LRRC1: variants seen among roughly 807,000 people sequenced by gnomAD.
LRRC1 encodes leucine-rich repeat-containing protein 1.
A neutral mutation model predicts 69.9 loss-of-function variants in LRRC1; 28 were observed. The ratio of observed to expected loss-of-function variants is 0.40; its 90% CI spans 0.30 to 0.55. LRRC1 has a LOEUF of 0.55. LRRC1 is among the 20% of genes least tolerant of loss of function. The pLI, the probability that LRRC1 is intolerant of heterozygous loss-of-function variation, is 0.47. For synonymous variants in LRRC1, 236 were observed against 240.2 expected, an observed-to-expected ratio of 0.98 and a Z score of 0.16; for missense variants, 498 against 609.0, an observed-to-expected ratio of 0.82 and a Z score of 1.92.
intron 1 of LRRC1, among the ~76,000 whole-genome samples, chr6:53,823,566 CGGG>C (rs1765173367): frequency 6.6e-6 from 1 of 152,058 alleles, no homozygotes; most frequent in African/African-American, 2.4e-5. Context: ...ACTCGTGTCA[CGGG>C]GGTTTGTTGT....
At chr6:53,795,796 C>A (rs1050302846) in intron 1 of LRRC1, among the ~76,000 whole-genome samples, 1 of 152,224 alleles carries the variant, frequency 6.6e-6, no homozygotes, top group East Asian at 1.9e-4. Flanking sequence ...TCCTCCCCCC[C>A]TCCACTCCCC....
intron 4 of LRRC1, among the ~76,000 whole-genome samples, chr6:53,892,011 T>C (rs13197989): frequency 0.063 from 8,483 of 134,954 alleles, 401 homozygotes; most frequent in East Asian, 0.23. Flanking sequence ...TATATATATA[T>C]ACACACACAC....
chr6:53,861,044 G>A (rs1766494142), intron 2 of LRRC1, among the ~76,000 whole-genome samples: 1 of 152,120 alleles, frequency 6.6e-6, no homozygotes, highest in Admixed American at 6.6e-5. Context: ...TGACGGGTGA[G>A]AGAAGGGTTG....
intron 1 of LRRC1, among the ~76,000 whole-genome samples, chr6:53,838,925 C>A (rs1447978069): frequency 6.6e-6 from 1 of 152,162 alleles, no homozygotes; most frequent in Non-Finnish European, 1.5e-5. Context: ...TGTCACCCAA[C>A]ATAACTGCTT....
At chr6:53,812,728 G>T (rs914885944) in intron 1 of LRRC1, among the ~76,000 whole-genome samples, 2 of 151,808 alleles carry the variant, frequency 1.3e-5, no homozygotes, top group Non-Finnish European at 2.9e-5. Context: ...GAAGAAAGAG[G>T]GGAAGGATGC....
intron 2 of LRRC1, among the ~76,000 whole-genome samples, chr6:53,859,050 C>G (rs988832079): frequency 8.5e-5 from 13 of 152,086 alleles, no homozygotes; most frequent in African/African-American, 3.1e-4. Context: ...GGGATATTAT[C>G]ACAAGTATAG....
intron 2 of LRRC1, among the ~76,000 whole-genome samples, chr6:53,855,556 G>A (rs1046507288): frequency 1.3e-5 from 2 of 152,174 alleles, no homozygotes; most frequent in African/African-American, 4.8e-5. Context: ...GGGGACCTGA[G>A]GGAGTCTTTG....
intron 4 of LRRC1, among the ~76,000 whole-genome samples, chr6:53,893,249 A>G (rs753453716): frequency 6.6e-6 from 1 of 152,148 alleles, no homozygotes; most frequent in Non-Finnish European, 1.5e-5. Context: ...AGATATGATT[A>G]TATTTATTTT....
At chr6:53,795,533 T>C (rs1259999908) in intron 1 of LRRC1, 118 bp downstream of exon 1, 6 of 957,212 alleles carry the variant, frequency 6.3e-6, no homozygotes, top group Admixed American at 2.9e-5. Flanking sequence ...TTCCCTCTTT[T>C]ATGCATTCAC....
intron 2 of LRRC1, among the ~76,000 whole-genome samples, chr6:53,854,882 A>C (rs1766260766): frequency 6.6e-6 from 1 of 152,252 alleles, no homozygotes; most frequent in African/African-American, 2.4e-5. Context: ...CTTAAGCACA[A>C]GTTTTTTAAA....
intron 4 of LRRC1, among the ~76,000 whole-genome samples, chr6:53,885,382 C>T (rs1241708093): frequency 6.6e-6 from 1 of 152,174 alleles, no homozygotes; most frequent in Non-Finnish European, 1.5e-5. Flanking sequence ...ATTTAGTTAA[C>T]CAATATTTAG....
intron 1 of LRRC1, among the ~76,000 whole-genome samples, chr6:53,804,019 T>C (rs1032522120): frequency 2.0e-5 from 3 of 152,330 alleles, no homozygotes; most frequent in African/African-American, 7.2e-5. Flanking sequence ...GGATGTGATG[T>C]GGGCTCTGAC....
At chr6:53,906,983 G>A (rs545545413) in intron 10 of LRRC1, among the ~76,000 whole-genome samples, 2 of 152,326 alleles carry the variant, frequency 1.3e-5, no homozygotes, top group Admixed American at 6.5e-5. Flanking sequence ...TAGCAGAAAT[G>A]GTTGAGTGCT....
At chr6:53,872,270 T>A (rs953453597) in intron 2 of LRRC1, among the ~76,000 whole-genome samples, 6 of 152,106 alleles carry the variant, frequency 3.9e-5, no homozygotes, top group African/African-American at 1.4e-4. Context: ...TAAAAAAAAT[T>A]TTTATTTCCG....
At chr6:53,867,939 C>T (rs147681198) in intron 2 of LRRC1, among the ~76,000 whole-genome samples, 5 of 147,452 alleles carry the variant, frequency 3.4e-5, no homozygotes, top group Non-Finnish European at 7.4e-5. Context: ...GGCAACAAAA[C>T]GAGACCCTGT....
intron 2 of LRRC1, among the ~76,000 whole-genome samples, chr6:53,858,281 A>G (rs1380922628): frequency 6.6e-6 from 1 of 151,206 alleles, no homozygotes; most frequent in African/African-American, 2.4e-5. Context: ...TTTTTTAATT[A>G]TAAAAGCAAT....
chr6:53,830,153 C>T (rs186893323), intron 1 of LRRC1, among the ~76,000 whole-genome samples: 51 of 152,314 alleles, frequency 3.3e-4, no homozygotes, highest in African/African-American at 1.1e-3. Flanking sequence ...TCTGCACATT[C>T]TTATATTAGA....
intron 2 of LRRC1, among the ~76,000 whole-genome samples, chr6:53,860,817 T>C (rs944544964): frequency 2.6e-5 from 4 of 152,118 alleles, no homozygotes; most frequent in Admixed American, 6.6e-5. Flanking sequence ...ATAGCTTTAT[T>C]ATGGGGGTGA....
intron 2 of LRRC1, among the ~76,000 whole-genome samples, chr6:53,856,090 A>T (rs1456864655): frequency 6.6e-6 from 1 of 152,214 alleles, no homozygotes; most frequent in Non-Finnish European, 1.5e-5. Context: ...ATTGTAAGAG[A>T]TAAACTCAAA....
Sources: gnomAD v4.1 joint callset for allele counts (sites outside exome capture counted in the v4.1 genomes callset) on GRCh38, gnomAD v4.1.1 for gene constraint, MANE v1.5 for transcripts, NCBI Gene and HGNC (gene_info 2026-07-23, HGNC 2026-07-21) for gene names.